The following TLK1 variants were observed in gnomAD, a reference collection of about 807,000 sequenced individuals.
TLK1 encodes serine/threonine-protein kinase tousled-like 1.
Under a neutral mutation model 105.3 loss-of-function variants are expected in TLK1, and 24 were observed. The ratio of observed to expected loss-of-function variants is 0.23; its 90% confidence interval spans 0.17 to 0.32. The LOEUF is 0.32. Among genes scored for constraint, TLK1 ranks in the 10% least tolerant of loss-of-function variants. The pLI, the probability that TLK1 is intolerant of heterozygous loss-of-function variation, is 1.00. For missense variants in TLK1, 558 were observed against 910.5 expected (o/e 0.61, Z 4.98); for synonymous variants, 321 against 310.4 (o/e 1.03, Z -0.36).
At chr2:171,006,669 A>C in intron 16 of TLK1, 26 bp from the exon 17 acceptor site, 4 of 1,610,514 alleles carry the variant, frequency 2.5e-6, no homozygotes, top group Non-Finnish European at 3.4e-6. Context: ...GAAAAAAATT[A>C]GACATAAGTA....
At chr2:171,049,977 T>C in intron 9 of TLK1, 27 bp from the exon 10 acceptor site, 1 of 1,612,410 alleles carries the variant, frequency 6.2e-7, no homozygotes, top group South Asian at 1.1e-5. Flanking sequence ...AAATCATCAC[T>C]CAATTGTATT....
chr2:171,139,894 T>G (rs1011519016), intron 1 of TLK1, among the ~76,000 whole-genome samples: 11 of 152,240 alleles, frequency 7.2e-5, no homozygotes, highest in South Asian at 6.2e-4. Flanking sequence ...ATTAGTTAGA[T>G]TCTCATAAGG....
In TLK1 at chr2:171,216,198, C is replaced by T. The variant is rs568787957; in HGVS notation, c.-6+14947G>A. Among the ~76,000 whole-genome samples the T allele has an allele frequency of 9.9e-5, 15 of 152,198 alleles. No individual in the cohort carries two copies. The East Asian group carries it at 1.4e-3, about 14-fold the overall frequency. On this transcript the variant is annotated intron_variant, in intron 1 of 20. Transcript: ENST00000521943. Reference sequence around the variant, plus strand: ...TATGCTGCCTTAAAAAAACAAGGGCCGGGTGCAGTGGCTCACGCCTGTAAT... The same window carrying T: ...TATGCTGCCTTAAAAAAACAAGGGCTGGGTGCAGTGGCTCACGCCTGTAAT...
At chr2:171,090,859 G>GT (rs1032731294) in intron 2 of TLK1, among the ~76,000 whole-genome samples, 2 of 152,076 alleles carry the variant, frequency 1.3e-5, no homozygotes, top group East Asian at 1.9e-4. Flanking sequence ...AGACACAATA[G>GT]TTTTTTACTA....
At chr2:171,032,304 C>G (rs1275461758) in intron 11 of TLK1, among the ~76,000 whole-genome samples, 1 of 152,056 alleles carries the variant, frequency 6.6e-6, no homozygotes, top group East Asian at 1.9e-4. Context: ...ATAAAACTAT[C>G]TATATTTGCA....
intron 4 of TLK1, chr2:171,059,942 T>C (rs1340133400): frequency 6.3e-7 from 1 of 1,574,844 alleles, no homozygotes. Flanking sequence ...GTACGACCCA[T>C]TTCCCAATAG....
At chr2:171,033,368 A>G (rs1173968094) in intron 11 of TLK1, among the ~76,000 whole-genome samples, 1 of 152,112 alleles carries the variant, frequency 6.6e-6, no homozygotes, top group Non-Finnish European at 1.5e-5. Context: ...TTAAAAATTA[A>G]AACAACTGAA....
chr2:171,047,570 C>T (rs1334956823), intron 10 of TLK1, among the ~76,000 whole-genome samples: 1 of 152,122 alleles, frequency 6.6e-6, no homozygotes, highest in Non-Finnish European at 1.5e-5. Context: ...AGAGAAAAAT[C>T]TCAAGAATAG....
chr2:171,006,438 CAA>C, intron 17 of TLK1, 34 bp downstream of exon 17: 4 of 1,537,356 alleles, frequency 2.6e-6, no homozygotes, highest in Non-Finnish European at 3.5e-6. Flanking sequence ...AAACTATACT[CAA>C]GTTTAAAAAA....
chr2:171,078,445 G>A (rs1417937609), intron 3 of TLK1, among the ~76,000 whole-genome samples: 1 of 152,154 alleles, frequency 6.6e-6, no homozygotes, highest in Admixed American at 6.5e-5. Context: ...GGCTGAGGCA[G>A]GAGAATCGCT....
chr2:171,158,435 GT>G (rs1692319148), intron 1 of TLK1, among the ~76,000 whole-genome samples: 1 of 152,192 alleles, frequency 6.6e-6, no homozygotes, highest in Admixed American at 6.5e-5. Flanking sequence ...AGTGCAGAAT[GT>G]TTTTAAGTTG....
intron 2 of TLK1, among the ~76,000 whole-genome samples, chr2:171,097,927 A>G (rs1689518184): frequency 6.6e-6 from 1 of 151,970 alleles, no homozygotes; most frequent in Non-Finnish European, 1.5e-5. Context: ...TCCACTAGGA[A>G]AGGAAAGGAA....
chr2:170,995,127 T>C (rs1683991581), intron 20 of TLK1, among the ~76,000 whole-genome samples: 1 of 152,120 alleles, frequency 6.6e-6, no homozygotes, highest in Admixed American at 6.6e-5. Context: ...TTAACAAAGT[T>C]TCAGAGATCA....
Position 171,185,071 on chromosome 2 carries a change from C to T in TLK1, c.-6+46074G>A, listed in dbSNP as rs552935792. The stretch of plus-strand genomic sequence containing the variant: ...AGCCAGGATGGTCTCGATCTCCTGA[C>T]CTCATGATCTGCCCGCCTTGGCCTC... On this transcript the variant is annotated intron_variant, in intron 1 of 20. Transcript: ENST00000521943. 2.0e-5 allele frequency among the ~76,000 whole-genome samples: 3 copies of T among 152,296 alleles called. No individual in the cohort carries two copies. The East Asian group carries it at 5.8e-4, about 29-fold the overall frequency.
chr2:171,108,168 T>C (rs1339299375), intron 2 of TLK1, among the ~76,000 whole-genome samples: 1 of 151,950 alleles, frequency 6.6e-6, no homozygotes, highest in Non-Finnish European at 1.5e-5. Flanking sequence ...AGCAAAACTG[T>C]TTACACCTTT....
At chr2:171,111,153 G>T (rs978548003) in intron 2 of TLK1, among the ~76,000 whole-genome samples, 8 of 152,062 alleles carry the variant, frequency 5.3e-5, no homozygotes, top group Admixed American at 3.9e-4. Context: ...GAACAGAAAA[G>T]GAGAATATGA....
chr2:171,102,609 G>A (rs970176716), intron 2 of TLK1, among the ~76,000 whole-genome samples: 4 of 152,072 alleles, frequency 2.6e-5, no homozygotes, highest in Admixed American at 2.6e-4. Context: ...CATTCTAACT[G>A]TGTTTTAATA....
chr2:171,015,415 AAC>A (rs56238853), intron 12 of TLK1, among the ~76,000 whole-genome samples: 11,421 of 132,436 alleles, frequency 0.086, 790 homozygotes, highest in African/African-American at 0.21. Flanking sequence ...TTGGAGTACA[AAC>A]ACACACACAC....
chr2:171,216,453 G>T (rs181192226), intron 1 of TLK1, among the ~76,000 whole-genome samples: 1 of 152,158 alleles, frequency 6.6e-6, no homozygotes, highest in Non-Finnish European at 1.5e-5. Flanking sequence ...TCCAGCCTGG[G>T]CGACAGAGCA....
Sources: allele counts gnomAD v4.1 joint callset (sites outside exome capture counted in the v4.1 genomes callset), GRCh38; gene constraint gnomAD v4.1.1; transcripts MANE v1.5; gene names NCBI Gene and HGNC (gene_info 2026-07-23, HGNC 2026-07-21).